Variants in ZNF600 observed in about 807,000 individuals in gnomAD.
ZNF600 encodes zinc finger protein KR-ZNF1.
A neutral mutation model predicts 7.3 loss-of-function variants in ZNF600; 4 were observed. The ratio of observed to expected loss-of-function variants is 0.55; its 90% CI spans 0.27 to 1.25. The LOEUF is 1.25. ZNF600 is among the 50% of genes most tolerant of loss of function. ZNF600 has a pLI of 0.12. For synonymous variants in ZNF600, 290 were observed against 308.9 expected, an observed-to-expected ratio of 0.94 and a Z score of 0.64; for missense variants, 911 against 922.1, an observed-to-expected ratio of 0.99 and a Z score of 0.16.
upstream of ZNF600, among the ~76,000 whole-genome samples, chr19:52,787,990 T>C (rs1485168748): frequency 2.6e-5 from 4 of 152,128 alleles, no homozygotes; most frequent in African/African-American, 9.7e-5. Flanking sequence ...ACATAGATTC[T>C]CTGATCTGAT....
At chr19:52,794,330 A>T in the ZNF600 span, among the ~76,000 whole-genome samples, 264 of 152,306 alleles carry the variant, frequency 1.7e-3, 1 homozygote, top group Admixed American at 3.0e-3. Flanking sequence ...CTACAGGAAA[A>T]GCCACACACT....
chr19:52,800,181 TC>T, the ZNF600 span: 1 of 1,613,634 alleles, frequency 6.2e-7, no homozygotes, highest in East Asian at 2.2e-5. Context: ...TTTCTCACAT[TC>T]TTCACATTTG....
chr19:52,810,781 A>AAAAAC, the ZNF600 span: 4 of 118,972 alleles, frequency 3.4e-5, no homozygotes, highest in South Asian at 1.9e-4. Context: ...AAAAAAACCC[A>AAAAAC]AAAAAAACAG....
At chr19:52,774,311 C>T (rs1424631364) in intron 3 of ZNF600, among the ~76,000 whole-genome samples, 2 of 151,870 alleles carry the variant, frequency 1.3e-5, no homozygotes, top group African/African-American at 2.4e-5. Context: ...TGCCTGTAAT[C>T]CCAGCTACCC....
exon 4 of ZNF600, chr19:52,764,907 A>G (rs1487073530): frequency 5.8e-6 from 1 of 172,218 alleles, no homozygotes. Flanking sequence ...ATAAGAATCA[A>G]AAAACAGGCT....
the ZNF600 span, among the ~76,000 whole-genome samples, chr19:52,820,525 C>G: frequency 6.6e-6 from 1 of 152,082 alleles, no homozygotes; most frequent in Non-Finnish European, 1.5e-5. Context: ...ATTCTCTCTT[C>G]TCTGTTATAA....
At chr19:52,808,176 TC>T in the ZNF600 span, 1 of 1,606,110 alleles carries the variant, frequency 6.2e-7, no homozygotes, top group South Asian at 1.1e-5. Flanking sequence ...ATGGTGGAGT[TC>T]TTATCTTTAC....
At chr19:52,812,188 A>G in the ZNF600 span, among the ~76,000 whole-genome samples, 42 of 126,878 alleles carry the variant, frequency 3.3e-4, 3 homozygotes, top group Middle Eastern at 4.4e-3. Flanking sequence ...CTGGGAGGTG[A>G]GGGGCGCTTC....
chr19:52,790,926 C>A (rs962308433), upstream of ZNF600, among the ~76,000 whole-genome samples: 6 of 151,928 alleles, frequency 3.9e-5, no homozygotes, highest in Non-Finnish European at 5.9e-5. Flanking sequence ...AGTGATCCAC[C>A]CACCTTGGAC....
At chr19:52,770,403 T>C (rs1452679082) in intron 3 of ZNF600, among the ~76,000 whole-genome samples, 1 of 152,156 alleles carries the variant, frequency 6.6e-6, no homozygotes, top group Non-Finnish European at 1.5e-5. Context: ...GATTGTGCCA[T>C]TGCACTCCAG....
chr19:52,787,061 AT>A (rs755055625), upstream of ZNF600, among the ~76,000 whole-genome samples: 9 of 152,248 alleles, frequency 5.9e-5, no homozygotes, highest in Non-Finnish European at 1.3e-4. Flanking sequence ...GGAACATACG[AT>A]TTCATGCTGA....
At chr19:52,808,022 T>C in the ZNF600 span, 1 of 1,613,466 alleles carries the variant, frequency 6.2e-7, no homozygotes. Flanking sequence ...GAGACCAGGT[T>C]CCTATAATTC....
At chr19:52,775,803 T>C (rs563032221) in intron 2 of ZNF600, among the ~76,000 whole-genome samples, 4 of 151,966 alleles carry the variant, frequency 2.6e-5, no homozygotes, top group Non-Finnish European at 5.9e-5. Flanking sequence ...GGTCAGGAGT[T>C]TGAGACCAGC....
At chr19:52,808,212 G>C in the ZNF600 span, 1 of 1,583,464 alleles carries the variant, frequency 6.3e-7, no homozygotes, top group South Asian at 1.2e-5. Flanking sequence ...GAGGGGGAAA[G>C]CATGGATTTA....
the ZNF600 span, among the ~76,000 whole-genome samples, chr19:52,824,660 AG>A: frequency 1.3e-5 from 2 of 152,086 alleles, no homozygotes; most frequent in African/African-American, 4.8e-5. Flanking sequence ...CTAACTTTAA[AG>A]ACGAAAATAA....
upstream of ZNF600, among the ~76,000 whole-genome samples, chr19:52,789,934 A>G (rs1349733781): frequency 6.6e-6 from 1 of 152,042 alleles, no homozygotes; most frequent in Non-Finnish European, 1.5e-5. Context: ...GGAAAACTAC[A>G]GTCAAAGGGG....
intron 2 of ZNF600, among the ~76,000 whole-genome samples, chr19:52,775,194 C>T (rs1001592056): frequency 1.8e-4 from 27 of 151,958 alleles, no homozygotes; most frequent in African/African-American, 6.5e-4. Context: ...GAGCCAAGAT[C>T]GCACCACTGC....
chr19:52,795,797 C>A, the ZNF600 span, among the ~76,000 whole-genome samples: 1 of 151,788 alleles, frequency 6.6e-6, no homozygotes, highest in Non-Finnish European at 1.5e-5. Flanking sequence ...AATACCTTGC[C>A]TCTGGTGATC....
At chr19:52,787,401 CTTTTTTT>C (rs1167453014), upstream of ZNF600, among the ~76,000 whole-genome samples, 1,693 of 114,814 alleles carry the variant, frequency 0.015, 28 homozygotes, top group African/African-American at 0.047. Flanking sequence ...CGCTCTTTTA[CTTTTTTT>C]TTTTTTTTTT....
Sources: gnomAD v4.1 joint callset for allele counts (sites outside exome capture counted in the v4.1 genomes callset) on GRCh38, gnomAD v4.1.1 for gene constraint, MANE v1.5 for transcripts, NCBI Gene and HGNC (gene_info 2026-07-23, HGNC 2026-07-21) for gene names.